Variants in CR2 observed in about 807,000 individuals in gnomAD.
CR2 encodes the protein complement C3d receptor 2, also known as complement receptor type 2.
In CR2, 96 loss-of-function variants were observed where a neutral mutation model predicts 123.0. The observed-to-expected ratio is 0.78, with a 90% confidence interval of 0.66 to 0.93. The LOEUF (loss-of-function observed/expected upper bound fraction) is 0.93, where lower values mean the gene tolerates loss of function less well. Among genes scored for constraint, CR2 ranks in the 40% least tolerant of loss-of-function variants. CR2 has a pLI of 0.00. For missense variants in CR2, 1,258 were observed against 1,361.0 expected (o/e 0.92, Z 1.19); for synonymous variants, 484 against 469.5 (o/e 1.03, Z -0.40).
intron 18 of CR2, among the ~76,000 whole-genome samples, chr1:207,485,260 A>C (rs1658717742): frequency 6.6e-6 from 1 of 152,180 alleles, no homozygotes; most frequent in African/African-American, 2.4e-5. Context: ...TGGGTGCAGC[A>C]AACCACCGTG....
chr1:207,475,879 G>A (rs9429776), intron 14 of CR2, among the ~76,000 whole-genome samples: 8,152 of 152,234 alleles, frequency 0.054, 757 homozygotes, highest in African/African-American at 0.19. Flanking sequence ...CTGACTTGTC[G>A]TATCTGGTGG....
chr1:207,478,095 G>A (rs753704170), intron 16 of CR2, 25 bp downstream of exon 16: 43 of 1,607,738 alleles, frequency 2.7e-5, no homozygotes, highest in Admixed American at 1.5e-4. Flanking sequence ...CTTCACCGCC[G>A]CTTGTAACTG....
rs368683590 is a variant in CR2, at chr1:207,473,713, G to A, written c.2147G>A (p.Arg716Gln). The change falls in exon 11 of 20, where the codon CGG (arginine) becomes CAG (glutamine). Residue 716 changes from arginine to glutamine, a missense_variant. Transcript: ENST00000367057. ...PSGNWSPSAP[R>Q]CEETCQHVRQ... is the part of the protein sequence containing the mutation. ...GGAAATTGGAGTCCTTCTGCCCCAC[G>A]GTGTGAAGGTACTTTAAGTTCCAGA... 1.7e-5 allele frequency: 28 copies of A among 1,613,776 alleles called. No homozygotes were observed. Among genetic ancestry groups the A allele is most frequent in the African/African-American group, 4.0e-5 (3 of 74,870 alleles).
At position 207,454,390 on chromosome 1, in the gene CR2, CAT is replaced by C. The variant is rs1657774497; in HGVS notation, c.-28_-27del. Reference sequence around the variant, plus strand: ...CCGGACGCTCGCGGGTCTCGGAACGCATCCCGCCGCGGGGGCTTCGGCCGTGG... The same window carrying C: ...CCGGACGCTCGCGGGTCTCGGAACGCCCCGCCGCGGGGGCTTCGGCCGTGG... On this transcript the variant is annotated 5_prime_UTR_variant, in exon 1 of 20. Transcript: ENST00000367057. This position sits in a 1 kb window ranked among gnomAD's most constrained non-coding sequence, Gnocchi z 4.3. 6.4e-7 allele frequency: 1 copy of C among 1,560,044 alleles called. No homozygotes were observed. Among genetic ancestry groups the C allele is most frequent in the Non-Finnish European group, 8.6e-7 (1 of 1,158,846 alleles).
intron 5 of CR2, 69 bp from the exon 6 acceptor site, chr1:207,469,626 C>G: frequency 1.4e-6 from 2 of 1,394,428 alleles, no homozygotes; most frequent in Non-Finnish European, 2.0e-6. Context: ...TGGTATCAAG[C>G]AGCATCTGGG....
rs759282516 is a variant in CR2 at position 207,476,272 on chromosome 1, G to A, written c.2755G>A (p.Gly919Arg). Reference protein sequence around the residue: ...GCPPPPKTPNGNHTGGNIARF... With the variant: ...GCPPPPKTPNRNHTGGNIARF... ...TCCACCTCCGCCTAAGACCCCTAAC[G>A]GGAACCATACTGGTGGAAACATAGC... The change falls in exon 15 of 20, where the codon GGG becomes AGG. Residue 919 changes from glycine to arginine, a missense_variant. Physicochemically the swap from Gly to Arg is moderately radical, Grantham distance 125. Coordinates refer to ENST00000367057, the MANE Select transcript of CR2 (RefSeq NM_001006658.3). The A allele has an allele frequency of 7.4e-6, 12 of 1,613,720 alleles. No homozygotes were observed. The highest frequency in any genetic ancestry group is 1.0e-5 in the Non-Finnish European group (12 of 1,179,858).
intron 19 of CR2, among the ~76,000 whole-genome samples, chr1:207,485,994 G>T (rs1658738528): frequency 6.6e-6 from 1 of 152,092 alleles, no homozygotes; most frequent in Non-Finnish European, 1.5e-5. Flanking sequence ...ACTTTGGGAG[G>T]CTGAGGCAGG....
Position 207,469,796 on chromosome 1 carries a change from C to A in CR2, c.919C>A (p.Pro307Thr). The change falls in exon 6 of 20, where the codon CCG becomes ACG. Residue 307 changes from proline (P) to threonine (T), a missense_variant. By Grantham distance (38) the Pro-to-Thr change is conservative (BLOSUM62 -1). Transcript: ENST00000367057. Reference protein sequence around the residue: ...YGSIVTYTCDPDPEEGVNFIL... With the variant: ...YGSIVTYTCDTDPEEGVNFIL... ...AAGCATAGTCACTTACACTTGTGAC[C>A]CGGACCCAGAGGAAGGAGTGAACTT... is the stretch of plus-strand genomic sequence containing the variant. 6.2e-7 allele frequency: 1 copy of A among 1,613,868 alleles called. No homozygotes were observed. Among genetic ancestry groups the A allele is most frequent in the South Asian group, 1.1e-5 (1 of 91,072 alleles).
Position 207,466,532 on chromosome 1 carries a change from C to A in CR2, c.65C>A (p.Ser22Tyr), listed in dbSNP as rs1489650445. 2 of 1,613,892 alleles carry A rather than the reference C, an allele frequency of 1.2e-6. No individual in the cohort carries two copies. The highest frequency in any genetic ancestry group is 1.7e-5 in the Admixed American group (1 of 59,990). ...TTCCTTTTCTACTTTTCAGGGATTT[C>A]TTGTGGCTCTCCTCCGCCTATCCTA... ...ALVAPGVLGISCGSPPPILNG... is the reference protein window; with the variant it reads ...ALVAPGVLGIYCGSPPPILNG... The change falls in exon 2 of 20, where the codon TCT becomes TAT. Residue 22 changes from serine to tyrosine, a missense_variant. Transcript: ENST00000367057.
In CR2 at chr1:207,468,669, C is replaced by A. The variant is rs1658174392; in HGVS notation, c.588C>A (p.Asn196Lys). The A allele has an allele frequency of 5.0e-6, 8 of 1,614,114 alleles. No individual in the cohort carries two copies. The highest frequency in any genetic ancestry group is 6.8e-6 in the Non-Finnish European group (8 of 1,179,972). ...TGCTTGTTGGAGAAAAGATCATTAA[C>A]TGTTTGTCTTCGGGAAAATGGAGTG... ...GYLLVGEKII[N>K]CLSSGKWSAV... The change falls in exon 3 of 20, where the codon AAC becomes AAA. Residue 196 changes from asparagine to lysine, a missense_variant. By Grantham distance (94) the Asn-to-Lys change is moderately conservative. Transcript: ENST00000367057.
rs1658112933 is a variant in CR2 at position 207,466,807 on chromosome 1, G to C, written c.340G>C (p.Val114Leu). ...GSTPYRHGDS[V>L]TFACKTNFSM... is the part of the protein sequence containing the mutation. ...TACACCCTACAGACATGGTGATTCT[G>C]TGACATTTGCCTGTAAAACCAACTT... Residue 114 changes from valine to leucine, a missense_variant, in exon 2 of 20, where the codon GTG becomes CTG. Transcript: ENST00000367057. 1 of 1,613,860 alleles carries C rather than the reference G, an allele frequency of 6.2e-7. No homozygotes were observed. Among genetic ancestry groups the C allele is most frequent in the Non-Finnish European group, 8.5e-7 (1 of 1,179,966 alleles).
chr1:207,487,686 A>G (rs1658787789), intron 19 of CR2, among the ~76,000 whole-genome samples: 1 of 152,242 alleles, frequency 6.6e-6, no homozygotes, highest in Admixed American at 6.5e-5. Flanking sequence ...TTCCTACATG[A>G]TGATGGGAAT....
intron 17 of CR2, 56 bp from the exon 18 acceptor site, chr1:207,479,922 G>C: frequency 1.5e-6 from 2 of 1,334,490 alleles, no homozygotes; most frequent in Non-Finnish European, 2.2e-6. Flanking sequence ...CAATCAGTCA[G>C]AACAATGTAG....
At chr1:207,461,976 C>T (rs1657977577) in intron 1 of CR2, among the ~76,000 whole-genome samples, 2 of 152,164 alleles carry the variant, frequency 1.3e-5, no homozygotes, top group African/African-American at 2.4e-5. Flanking sequence ...GTCATGATAG[C>T]TGGCCAAACC....
At chr1:207,488,284 G>T (rs989701811) in intron 19 of CR2, among the ~76,000 whole-genome samples, 11 of 152,170 alleles carry the variant, frequency 7.2e-5, no homozygotes, top group African/African-American at 2.7e-4. Flanking sequence ...AAGGTGGAAT[G>T]CAAGCTCATG....
chr1:207,467,419 C>T (rs1658133748), intron 2 of CR2, among the ~76,000 whole-genome samples: 1 of 152,098 alleles, frequency 6.6e-6, no homozygotes, highest in South Asian at 2.1e-4. Context: ...TCTGAGCCAT[C>T]ACATTTCAAA....
chr1:207,467,341 T>TGATA (rs1658130946), intron 2 of CR2, among the ~76,000 whole-genome samples: 2 of 152,114 alleles, frequency 1.3e-5, no homozygotes, highest in South Asian at 4.2e-4. Context: ...CTAGCACAGG[T>TGATA]GATATCCTGC....
intron 6 of CR2, 44 bp downstream of exon 6, chr1:207,470,146 T>C: frequency 6.2e-7 from 1 of 1,610,336 alleles, no homozygotes; most frequent in Non-Finnish European, 8.5e-7. Flanking sequence ...GATTCGTTTC[T>C]GAAAAATTAG....
chr1:207,459,355 G>T (rs1284949799), intron 1 of CR2, among the ~76,000 whole-genome samples: 1 of 150,770 alleles, frequency 6.6e-6, no homozygotes, highest in Admixed American at 6.6e-5. Flanking sequence ...ACTCTATTTT[G>T]ATTCTGACAA....
Sources: allele counts gnomAD v4.1 joint callset (sites outside exome capture counted in the v4.1 genomes callset), GRCh38; gene constraint gnomAD v4.1.1; non-coding constraint Gnocchi (gnomAD v3.1); transcripts MANE v1.5; gene names NCBI Gene and HGNC (gene_info 2026-07-23, HGNC 2026-07-21).